Variants in SNAP91 observed in about 807,000 individuals in gnomAD.
The protein encoded by SNAP91 is clathrin coat assembly protein AP180.
Under a neutral mutation model 100.3 loss-of-function variants are expected in SNAP91, and 27 were observed. That is an observed-to-expected ratio of 0.27 (90% CI 0.20 to 0.37). The LOEUF is 0.37. Among genes scored for constraint, SNAP91 ranks in the 10% least tolerant of loss-of-function variants. The pLI is 1.00. For synonymous variants in SNAP91, 404 were observed against 398.6 expected (o/e 1.01, Z -0.16); for missense variants, 986 against 1,123.7 (o/e 0.88, Z 1.75).
intron 2 of SNAP91, chr6:83,690,462 C>T (rs1270350804): frequency 1.6e-6 from 2 of 1,229,314 alleles, no homozygotes; most frequent in South Asian, 2.5e-5. Context: ...AGCTCAGTTA[C>T]ACATTAATAA....
chr6:83,666,334 T>TCATG (rs1284214581), intron 2 of SNAP91, among the ~76,000 whole-genome samples: 2 of 151,952 alleles, frequency 1.3e-5, no homozygotes, highest in African/African-American at 4.8e-5. Flanking sequence ...CAACCAAAGA[T>TCATG]CATGTGCTAA....
chr6:83,658,626 C>CAAAAT (rs1384605383), intron 6 of SNAP91, among the ~76,000 whole-genome samples: 1 of 151,918 alleles, frequency 6.6e-6, no homozygotes, highest in Non-Finnish European at 1.5e-5. Context: ...ATAAATAAAA[C>CAAAAT]AAAATAAAAT....
rs57893971 is a variant in SNAP91, at chr6:83,628,222, CATATATAT to C, written c.766-4888_766-4881del. ...TATAGCTAAGTAATATTCCATTTTACATATATATATATATATATATATATCACAGTTTA... is the reference window on the plus strand; with the variant it reads ...TATAGCTAAGTAATATTCCATTTTACATATATATATATATATCACAGTTTA... On this transcript the variant is annotated intron_variant, in intron 8 of 29. Coordinates refer to ENST00000369694, the MANE Select transcript of SNAP91 (RefSeq NM_001242792.2). Among the ~76,000 whole-genome samples, 28 of 124,714 alleles carry C rather than the reference CATATATAT, an allele frequency of 2.2e-4. 3 individuals are homozygous for C. The highest frequency in any genetic ancestry group is 8.8e-4 in the East Asian group (3 of 3,394). The allele number at this position is 124,714 out of a possible 152,430, so 81.8% of individuals were successfully genotyped here. A position where few individuals can be genotyped will look rare whatever the true frequency, so the allele number is the denominator to read the frequency against.
At chr6:83,653,661 G>A (rs1004464440) in intron 7 of SNAP91, among the ~76,000 whole-genome samples, 1 of 152,068 alleles carries the variant, frequency 6.6e-6, no homozygotes, top group African/African-American at 2.4e-5. Context: ...CATTTAGTAT[G>A]ACTTGTAATT....
intron 2 of SNAP91, among the ~76,000 whole-genome samples, chr6:83,671,516 T>C (rs1475021938): frequency 2.6e-5 from 4 of 152,070 alleles, no homozygotes; most frequent in Admixed American, 2.6e-4. Flanking sequence ...GTTTTGGTTG[T>C]CTTAGGCATG....
intron 2 of SNAP91, among the ~76,000 whole-genome samples, chr6:83,676,870 T>C (rs1377926078): frequency 1.3e-5 from 2 of 152,026 alleles, no homozygotes; most frequent in African/African-American, 2.4e-5. Flanking sequence ...AGTGTGGCAA[T>C]GGGATAGAAG....
intron 26 of SNAP91, among the ~76,000 whole-genome samples, chr6:83,563,346 A>G (rs1214679027): frequency 1.3e-5 from 2 of 152,148 alleles, no homozygotes; most frequent in African/African-American, 4.8e-5. Context: ...CATGACAAAA[A>G]ATACTCAACG....
At chr6:83,588,823 G>C (rs1233065043) in intron 22 of SNAP91, among the ~76,000 whole-genome samples, 2 of 152,184 alleles carry the variant, frequency 1.3e-5, no homozygotes, top group Non-Finnish European at 2.9e-5. Context: ...AGGACACAGA[G>C]AGGCCACAAT....
chr6:83,694,595 G>A (rs981480172), intron 2 of SNAP91, among the ~76,000 whole-genome samples: 4 of 152,178 alleles, frequency 2.6e-5, no homozygotes, highest in Non-Finnish European at 5.9e-5. Flanking sequence ...TCTAGGAAGA[G>A]AACCCATTTC....
chr6:83,598,245 C>T (rs930775465), intron 16 of SNAP91, among the ~76,000 whole-genome samples: 2 of 152,086 alleles, frequency 1.3e-5, no homozygotes, highest in African/African-American at 4.8e-5. Context: ...TAACACTGCC[C>T]TTGCAATCCT....
intron 11 of SNAP91, among the ~76,000 whole-genome samples, chr6:83,611,964 G>A (rs190696260): frequency 1.0e-4 from 15 of 143,778 alleles, no homozygotes; most frequent in Admixed American, 2.2e-4. Context: ...CTCATGATCC[G>A]CCTGCCTCGG....
intron 11 of SNAP91, among the ~76,000 whole-genome samples, chr6:83,612,697 G>A (rs534102267): frequency 1.6e-3 from 237 of 151,936 alleles, no homozygotes; most frequent in African/African-American, 5.5e-3. Context: ...CCAATATGGC[G>A]AAACCCTGTC....
chr6:83,569,783 G>C (rs917079877), intron 26 of SNAP91, among the ~76,000 whole-genome samples: 2 of 152,106 alleles, frequency 1.3e-5, no homozygotes, highest in African/African-American at 4.8e-5. Flanking sequence ...GGTTTTATAA[G>C]GGGGAGTTTC....
intron 26 of SNAP91, among the ~76,000 whole-genome samples, chr6:83,565,017 C>A: frequency 6.7e-6 from 1 of 150,306 alleles, no homozygotes; most frequent in South Asian, 2.1e-4. Flanking sequence ...ATCTGATAAG[C>A]ATCTAGTATC....
chr6:83,694,757 A>G (rs929042273), intron 2 of SNAP91, among the ~76,000 whole-genome samples: 1 of 152,192 alleles, frequency 6.6e-6, no homozygotes, highest in African/African-American at 2.4e-5. Flanking sequence ...CAAGCACTAG[A>G]GAGGTCAAGC....
chr6:83,623,397 T>C, intron 8 of SNAP91, 55 bp from the exon 9 acceptor site: 1 of 1,311,326 alleles, frequency 7.6e-7, no homozygotes, highest in Non-Finnish European at 1.1e-6. Context: ...ATTTTTTTCA[T>C]TTAATGGAAG....
intron 2 of SNAP91, chr6:83,690,395 T>C (rs908687704): frequency 7.0e-6 from 9 of 1,288,830 alleles, no homozygotes; most frequent in Non-Finnish European, 7.1e-6. Context: ...TACTTTCAGA[T>C]CTCAAAATTA....
intron 28 of SNAP91, among the ~76,000 whole-genome samples, chr6:83,559,247 G>A (rs190181462): frequency 8.9e-4 from 136 of 152,282 alleles, no homozygotes; most frequent in Middle Eastern, 3.4e-3. Context: ...GGGAGGAACA[G>A]GGGTTGAAGA....
intron 2 of SNAP91, among the ~76,000 whole-genome samples, chr6:83,666,098 GAGAAA>G (rs2098678628): frequency 6.6e-6 from 1 of 152,074 alleles, no homozygotes; most frequent in African/African-American, 2.4e-5. Flanking sequence ...AATATTAAAA[GAGAAA>G]AGAATTTTGT....
Sources: allele counts gnomAD v4.1 joint callset (sites outside exome capture counted in the v4.1 genomes callset), GRCh38; gene constraint gnomAD v4.1.1; transcripts MANE v1.5; gene names NCBI Gene and HGNC (gene_info 2026-07-23, HGNC 2026-07-21).